The following STK32B variants were observed in gnomAD, a reference collection of about 807,000 sequenced individuals.
STK32B encodes serine/threonine kinase 32B, also known as serine/threonine-protein kinase 32B.
Under a neutral mutation model 52.6 loss-of-function variants are expected in STK32B, and 43 were observed. The observed-to-expected ratio is 0.82, with a 90% confidence interval of 0.64 to 1.05. STK32B has a LOEUF of 1.05. STK32B is among the 50% of genes least tolerant of loss of function. The pLI is 0.00. For missense variants in STK32B, 621 were observed against 534.6 expected, an observed-to-expected ratio of 1.16 and a Z score of -1.59; for synonymous variants, 238 against 204.3, an observed-to-expected ratio of 1.17 and a Z score of -1.41.
chr4:5,366,011 T>G (rs28520923), intron 4 of STK32B, among the ~76,000 whole-genome samples: 7,658 of 152,242 alleles, frequency 0.05, 302 homozygotes, highest in African/African-American at 0.1. Context: ...CTCTGGATAC[T>G]TCCTCCTGCC....
At chr4:5,473,526 A>G (rs1718005823) in intron 11 of STK32B, among the ~76,000 whole-genome samples, 1 of 152,210 alleles carries the variant, frequency 6.6e-6, no homozygotes, top group Non-Finnish European at 1.5e-5. Flanking sequence ...AAGGGCACAC[A>G]GCCAAGAGGT....
chr4:5,037,259 C>T, the STK32B span, among the ~76,000 whole-genome samples: 1 of 152,146 alleles, frequency 6.6e-6, no homozygotes. Context: ...GGGGATCACC[C>T]CTGTTGAGAA....
intron 3 of STK32B, among the ~76,000 whole-genome samples, chr4:5,254,042 C>T (rs139515336): frequency 0.042 from 6,358 of 151,694 alleles, 434 homozygotes; most frequent in African/African-American, 0.14. Context: ...GCCTCAGCCT[C>T]CCAAAGTGTT....
intron 11 of STK32B, among the ~76,000 whole-genome samples, chr4:5,474,438 G>A (rs1718082204): frequency 1.3e-5 from 2 of 152,242 alleles, no homozygotes; most frequent in Admixed American, 6.5e-5. Flanking sequence ...ACCAAGGTCT[G>A]TGCCATCTGC....
intron 3 of STK32B, among the ~76,000 whole-genome samples, chr4:5,287,616 T>G (rs1251963723): frequency 6.6e-6 from 1 of 152,186 alleles, no homozygotes; most frequent in Admixed American, 6.5e-5. Flanking sequence ...CCAATCAGTT[T>G]CATGAATTTA....
the STK32B span, among the ~76,000 whole-genome samples, chr4:5,022,315 C>G: frequency 6.6e-6 from 1 of 152,160 alleles, no homozygotes; most frequent in Non-Finnish European, 1.5e-5. Context: ...TTGGTGACTA[C>G]TCGTGTTACT....
upstream of STK32B, among the ~76,000 whole-genome samples, chr4:5,047,178 G>A (rs1741635706): frequency 1.3e-5 from 2 of 152,178 alleles, no homozygotes; most frequent in South Asian, 4.1e-4. Flanking sequence ...ATGAGATCAT[G>A]TCCTTTGCAG....
At chr4:5,277,258 A>G (rs770702077) in intron 3 of STK32B, among the ~76,000 whole-genome samples, 2 of 152,222 alleles carry the variant, frequency 1.3e-5, no homozygotes, top group African/African-American at 2.4e-5. Flanking sequence ...TGCCTCCTTC[A>G]TCGGAATCAT....
chr4:5,437,911 T>G (rs999550023), intron 6 of STK32B: 5 of 985,316 alleles, frequency 5.1e-6, no homozygotes, highest in Non-Finnish European at 6.0e-6. Flanking sequence ...ATATCAATAT[T>G]GTTGTGTTCT....
chr4:5,484,837 T>A (rs1267870639), intron 11 of STK32B, among the ~76,000 whole-genome samples: 4 of 152,154 alleles, frequency 2.6e-5, no homozygotes, highest in Admixed American at 2.0e-4. Flanking sequence ...TTATTTCTCC[T>A]TCACTTATGA....
chr4:5,353,326 AGGATATTGC>A (rs1733962100), intron 4 of STK32B, among the ~76,000 whole-genome samples: 4 of 151,968 alleles, frequency 2.6e-5, no homozygotes, highest in African/African-American at 9.7e-5. Context: ...AAAACAATTC[AGGATATTGC>A]TCTAGGCAAA....
At chr4:5,383,746 C>T (rs1435391608) in intron 4 of STK32B, among the ~76,000 whole-genome samples, 1 of 152,202 alleles carries the variant, frequency 6.6e-6, no homozygotes, top group African/African-American at 2.4e-5. Flanking sequence ...CAGGGCCATC[C>T]TGAGTCCTGG....
rs1716945730 is a variant in STK32B, at chr4:5,460,473, C to G, written c.909+245C>G. Among the ~76,000 whole-genome samples, 1 of 152,198 alleles carries G rather than the reference C, an allele frequency of 6.6e-6. No individual in the cohort carries two copies. The highest frequency in any genetic ancestry group is 1.5e-5 in the Non-Finnish European group (1 of 68,032). ...CAAGCCTTCTCTCTGTCACTGAATC[C>G]CACCTCCAGGTGCTCAGGTCCAGGT... is the stretch of plus-strand genomic sequence containing the variant. On this transcript the variant is annotated intron_variant, in intron 9 of 11. Coordinates refer to ENST00000282908, the MANE Select transcript of STK32B (RefSeq NM_018401.3). The surrounding 1 kb of genome is among the most constrained non-coding windows in gnomAD (Gnocchi z 4.8).
intron 4 of STK32B, among the ~76,000 whole-genome samples, chr4:5,375,721 T>A (rs949652717): frequency 4.3e-4 from 66 of 152,332 alleles, no homozygotes; most frequent in African/African-American, 1.3e-3. Flanking sequence ...GGCCTCTGTT[T>A]TTTGAAGGTT....
At chr4:5,475,127 G>A (rs926311205) in intron 11 of STK32B, among the ~76,000 whole-genome samples, 2 of 152,064 alleles carry the variant, frequency 1.3e-5, no homozygotes, top group Non-Finnish European at 2.9e-5. Flanking sequence ...TTAGGGCCCG[G>A]TTTAAAAAGT....
chr4:5,298,546 C>G (rs548630229), intron 3 of STK32B, among the ~76,000 whole-genome samples: 44 of 152,240 alleles, frequency 2.9e-4, no homozygotes, highest in African/African-American at 9.9e-4. Flanking sequence ...GCAGTGGGTT[C>G]CGCTCAGTCT....
At chr4:5,159,952 C>T (rs567222208) in intron 2 of STK32B, among the ~76,000 whole-genome samples, 1 of 151,834 alleles carries the variant, frequency 6.6e-6, no homozygotes, top group African/African-American at 2.4e-5. Flanking sequence ...CCGCAGAAAC[C>T]CTTCCTCTCC....
rs533424173 is a variant in STK32B at position 5,264,684 on chromosome 4, G to C, written c.261-66536G>C. Among the ~76,000 whole-genome samples, 6 of 152,206 alleles carry C rather than the reference G, an allele frequency of 3.9e-5. No homozygotes were observed. The South Asian group carries it at 8.3e-4, about 21-fold the overall frequency. ...CGCCTGTAGTCCCAGCTGCTCGGGAGGCTGAGGCAGGAGAATGGCGTGAAC... is the reference window on the plus strand; with the variant it reads ...CGCCTGTAGTCCCAGCTGCTCGGGACGCTGAGGCAGGAGAATGGCGTGAAC... On this transcript the variant is annotated intron_variant, in intron 3 of 11. Transcript: ENST00000282908.
chr4:5,441,248 G>C (rs1158871793), intron 6 of STK32B, among the ~76,000 whole-genome samples: 6 of 151,686 alleles, frequency 4.0e-5, no homozygotes, highest in East Asian at 1.9e-4. Context: ...ACTCTTTTTG[G>C]TTGGTAAGCT....
Sources: gnomAD v4.1 joint callset for allele counts (sites outside exome capture counted in the v4.1 genomes callset) on GRCh38, gnomAD v4.1.1 for gene constraint, Gnocchi (gnomAD v3.1) non-coding constraint, MANE v1.5 for transcripts, NCBI Gene and HGNC (gene_info 2026-07-23, HGNC 2026-07-21) for gene names.